The following NRXN3 variants were observed in gnomAD, a reference collection of about 807,000 sequenced individuals.
NRXN3 encodes the protein neurexin 3, also known as neurexin III.
A neutral mutation model predicts 137.6 loss-of-function variants in NRXN3; 32 were observed. The ratio of observed to expected loss-of-function variants is 0.23; its 90% CI spans 0.18 to 0.31. The LOEUF is 0.31. NRXN3 is among the 10% of genes least tolerant of loss of function. The pLI, the probability that NRXN3 is intolerant of heterozygous loss-of-function variation, is 1.00. For synonymous variants in NRXN3, 798 were observed against 784.5 expected (o/e 1.02, Z -0.29); for missense variants, 1,574 against 2,062.5 (o/e 0.76, Z 4.59).
chr14:79,373,672 T>TG (rs1416171416), intron 15 of NRXN3, among the ~76,000 whole-genome samples: 2 of 152,218 alleles, frequency 1.3e-5, no homozygotes, highest in African/African-American at 4.8e-5. Flanking sequence ...TCTCTGGTAA[T>TG]GGAAGGTTGG....
In NRXN3 at chr14:79,839,704, C is replaced by G. The variant is rs78166144; in HGVS notation, c.4094-21638C>G. 3.4e-3 allele frequency among the ~76,000 whole-genome samples: 515 copies of G among 152,210 alleles called. 5 individuals carry two copies. Among genetic ancestry groups the G allele is most frequent in the African/African-American group, 0.012 (489 of 41,546 alleles). On this transcript the variant is annotated intron_variant, in intron 20 of 20. Transcript: ENST00000335750. ...CTTATGCCTTTAAGGTCTTATCCCCCCAAAAATCTTTGCCCATACCAATGT... is the reference window on the plus strand; with the variant it reads ...CTTATGCCTTTAAGGTCTTATCCCCGCAAAAATCTTTGCCCATACCAATGT...
At chr14:79,141,113 T>C (rs2058747237) in intron 15 of NRXN3, among the ~76,000 whole-genome samples, 1 of 152,180 alleles carries the variant, frequency 6.6e-6, no homozygotes, top group Non-Finnish European at 1.5e-5. Context: ...TCAAATTTAG[T>C]TGGTGCCTTT....
intron 1 of NRXN3, among the ~76,000 whole-genome samples, chr14:78,196,970 G>T (rs528183713): frequency 6.6e-6 from 1 of 152,302 alleles, no homozygotes; most frequent in African/African-American, 2.4e-5. Flanking sequence ...GTGAGAGGAT[G>T]GCTTGGGTTT....
At chr14:79,224,671 A>C (rs1487597078) in intron 15 of NRXN3, among the ~76,000 whole-genome samples, 3 of 152,156 alleles carry the variant, frequency 2.0e-5, no homozygotes, top group African/African-American at 7.2e-5. Flanking sequence ...ACTGGAGATG[A>C]GTGGGCTCTT....
intron 15 of NRXN3, among the ~76,000 whole-genome samples, chr14:79,394,737 T>A (rs914777718): frequency 6.6e-6 from 1 of 152,236 alleles, no homozygotes; most frequent in African/African-American, 2.4e-5. Flanking sequence ...CCAGTATTTT[T>A]AAAAGTATCC....
chr14:79,277,094 G>A (rs2080404814), intron 15 of NRXN3, among the ~76,000 whole-genome samples: 1 of 152,138 alleles, frequency 6.6e-6, no homozygotes, highest in Admixed American at 6.6e-5. Flanking sequence ...TGCCTTCCAG[G>A]GGTGGTGGTC....
intron 4 of NRXN3, among the ~76,000 whole-genome samples, chr14:78,323,453 C>T (rs8019680): frequency 6.6e-6 from 1 of 151,782 alleles, no homozygotes; most frequent in Admixed American, 6.6e-5. Context: ...GGGGATTTAA[C>T]CCCTGCCGTG....
At chr14:78,825,596 C>T (rs561809854) in intron 10 of NRXN3, among the ~76,000 whole-genome samples, 103 of 152,304 alleles carry the variant, frequency 6.8e-4, no homozygotes, top group African/African-American at 2.4e-3. Flanking sequence ...TGCCTCACGG[C>T]GTGAATTGCT....
intron 15 of NRXN3, among the ~76,000 whole-genome samples, chr14:79,342,041 C>G (rs1194239099): frequency 6.6e-6 from 1 of 152,234 alleles, no homozygotes; most frequent in Non-Finnish European, 1.5e-5. Context: ...CTAATGCATA[C>G]TCTCACTTAA....
chr14:79,251,667 A>G (rs1458478158), intron 15 of NRXN3, among the ~76,000 whole-genome samples: 1 of 152,166 alleles, frequency 6.6e-6, no homozygotes, highest in Non-Finnish European at 1.5e-5. Flanking sequence ...GAACAATACC[A>G]TTGAGGATAG....
intron 16 of NRXN3, among the ~76,000 whole-genome samples, chr14:79,618,182 A>G (rs1185663826): frequency 6.6e-6 from 1 of 151,914 alleles, no homozygotes; most frequent in Non-Finnish European, 1.5e-5. Flanking sequence ...TTTATTATGG[A>G]TGGTCATTTT....
intron 16 of NRXN3, among the ~76,000 whole-genome samples, chr14:79,598,458 C>T (rs2097885486): frequency 6.6e-6 from 1 of 152,144 alleles, no homozygotes; most frequent in Non-Finnish European, 1.5e-5. Flanking sequence ...GCTCCATTTT[C>T]TCGTATTTTA....
At chr14:78,823,129 A>G (rs2098955987) in intron 10 of NRXN3, among the ~76,000 whole-genome samples, 1 of 152,242 alleles carries the variant, frequency 6.6e-6, no homozygotes, top group South Asian at 2.1e-4. Flanking sequence ...ATTCAGGAAC[A>G]GAGACAACTA....
At chr14:78,176,632 G>C (rs1383958815) in intron 1 of NRXN3, among the ~76,000 whole-genome samples, 1 of 152,108 alleles carries the variant, frequency 6.6e-6, no homozygotes, top group African/African-American at 2.4e-5. Flanking sequence ...ACAAGATGGA[G>C]GCCCAGAGAG....
At chr14:79,714,142 A>T (rs2098815602) in intron 19 of NRXN3, among the ~76,000 whole-genome samples, 1 of 152,224 alleles carries the variant, frequency 6.6e-6, no homozygotes, top group Non-Finnish European at 1.5e-5. Flanking sequence ...AAGAACACAG[A>T]TGGGGCTCCA....
chr14:79,247,089 T>C (rs949672017), intron 15 of NRXN3: 1 of 152,140 alleles, frequency 6.6e-6, no homozygotes, highest in African/African-American at 2.4e-5. Flanking sequence ...GGGTCGTTGG[T>C]TTTGCAAACC....
chr14:78,329,752 C>A (rs910998990), intron 4 of NRXN3, among the ~76,000 whole-genome samples: 2 of 152,272 alleles, frequency 1.3e-5, no homozygotes, highest in Admixed American at 6.5e-5. Flanking sequence ...AAGTTGGGAT[C>A]AGCACCTGGA....
chr14:79,543,061 C>T (rs906079647), intron 16 of NRXN3, among the ~76,000 whole-genome samples: 3 of 152,082 alleles, frequency 2.0e-5, no homozygotes, highest in Non-Finnish European at 4.4e-5. Flanking sequence ...AATTAGCCTG[C>T]GATACTGGCT....
chr14:78,345,368 G>A (rs1255068278), intron 4 of NRXN3, among the ~76,000 whole-genome samples: 3 of 152,206 alleles, frequency 2.0e-5, no homozygotes, highest in African/African-American at 7.2e-5. Flanking sequence ...AGGCAGTCTT[G>A]TTCAGGAGGA....
Sources: allele counts gnomAD v4.1 joint callset (sites outside exome capture counted in the v4.1 genomes callset), GRCh38; gene constraint gnomAD v4.1.1; transcripts MANE v1.5; gene names NCBI Gene and HGNC (gene_info 2026-07-23, HGNC 2026-07-21).